VTI1A: variants seen among roughly 807,000 people sequenced by gnomAD.
VTI1A encodes the protein vesicle transport through interaction with t-SNAREs 1A.
In VTI1A, 22 loss-of-function variants were observed where a neutral mutation model predicts 34.9. That is an observed-to-expected ratio of 0.63 (90% CI 0.45 to 0.90). The LOEUF (loss-of-function observed/expected upper bound fraction) is 0.90, where lower values mean the gene tolerates loss of function less well. Among genes scored for constraint, VTI1A ranks in the 40% least tolerant of loss-of-function variants. VTI1A has a pLI of 0.00. For missense variants in VTI1A, 268 were observed against 275.6 expected (o/e 0.97, Z 0.20); for synonymous variants, 87 against 97.3 (o/e 0.89, Z 0.62).
intron 7 of VTI1A, among the ~76,000 whole-genome samples, chr10:112,693,558 A>G (rs1178644857): frequency 6.6e-6 from 1 of 152,196 alleles, no homozygotes; most frequent in East Asian, 1.9e-4. Context: ...AAAAATAAAT[A>G]AATAAGTAAA....
At chr10:112,484,255 A>G (rs962033009) in intron 3 of VTI1A, among the ~76,000 whole-genome samples, 1 of 152,238 alleles carries the variant, frequency 6.6e-6, no homozygotes, top group African/African-American at 2.4e-5. Context: ...GTCAACCTCC[A>G]TGCTTTCTAA....
At chr10:112,687,668 C>G (rs1278902865) in intron 7 of VTI1A, among the ~76,000 whole-genome samples, 2 of 152,100 alleles carry the variant, frequency 1.3e-5, no homozygotes, top group Non-Finnish European at 2.9e-5. Context: ...AAACCCATCT[C>G]TGGGCACTGG....
chr10:112,706,182 G>T (rs1251547181), intron 7 of VTI1A, among the ~76,000 whole-genome samples: 1 of 152,048 alleles, frequency 6.6e-6, no homozygotes, highest in Non-Finnish European at 1.5e-5. Context: ...TTCATATTAG[G>T]GTTTTTAATG....
chr10:112,811,468 G>C (rs1388017847), intron 7 of VTI1A, among the ~76,000 whole-genome samples: 1 of 152,048 alleles, frequency 6.6e-6, no homozygotes, highest in Non-Finnish European at 1.5e-5. Flanking sequence ...GCCGAGGCGG[G>C]CGGATCACGA....
At chr10:112,669,436 A>T (rs1847766915) in intron 7 of VTI1A, among the ~76,000 whole-genome samples, 1 of 152,100 alleles carries the variant, frequency 6.6e-6, no homozygotes, top group East Asian at 1.9e-4. Flanking sequence ...TTGGGGAAAC[A>T]TTTCCGTTTT....
intron 3 of VTI1A, among the ~76,000 whole-genome samples, chr10:112,490,575 A>C (rs1426466966): frequency 6.6e-6 from 1 of 151,654 alleles, no homozygotes; most frequent in Non-Finnish European, 1.5e-5. Context: ...ATGGGGCTGC[A>C]GATTCTTAGT....
intron 3 of VTI1A, among the ~76,000 whole-genome samples, chr10:112,502,943 T>G (rs569918743): frequency 1.3e-5 from 2 of 152,336 alleles, no homozygotes; most frequent in East Asian, 3.9e-4. Context: ...AGTGATTCTT[T>G]AGGAACAAAC....
In VTI1A at chr10:112,602,806, A is replaced by C. The variant is rs964995245; in HGVS notation, c.427+64476A>C. ...CATCAATATTTATTTTAATTTTGTA[A>C]ACACTTATTTGGGTGATTTTTTTTA... On this transcript the variant is annotated intron_variant, in intron 5 of 7. Transcript: ENST00000393077. Among the ~76,000 whole-genome samples, 3 of 152,322 alleles carry C rather than the reference A, an allele frequency of 2.0e-5. No individual in the cohort carries two copies. The South Asian group carries it at 6.2e-4, about 32-fold the overall frequency.
intron 5 of VTI1A, among the ~76,000 whole-genome samples, chr10:112,632,167 G>A (rs1564857635): frequency 6.6e-6 from 1 of 152,112 alleles, no homozygotes. Flanking sequence ...TAACTCAAGG[G>A]TAATAAACAT....
At chr10:112,529,202 A>C (rs1850344652) in intron 4 of VTI1A, among the ~76,000 whole-genome samples, 2 of 152,118 alleles carry the variant, frequency 1.3e-5, no homozygotes, top group African/African-American at 4.8e-5. Flanking sequence ...ACTTGTGTGA[A>C]GTTTTCCATC....
At chr10:112,677,050 T>A (rs979028032) in intron 7 of VTI1A, among the ~76,000 whole-genome samples, 2 of 152,180 alleles carry the variant, frequency 1.3e-5, no homozygotes, top group African/African-American at 4.8e-5. Context: ...GGAATCTTAC[T>A]GATTTGGATT....
chr10:112,548,302 T>A (rs978492395), intron 5 of VTI1A, among the ~76,000 whole-genome samples: 1 of 152,224 alleles, frequency 6.6e-6, no homozygotes, highest in Admixed American at 6.5e-5. Flanking sequence ...TCAAAGCCAG[T>A]CACTTTTTTT....
intron 5 of VTI1A, among the ~76,000 whole-genome samples, chr10:112,633,093 G>A (rs551955115): frequency 1.1e-4 from 16 of 152,248 alleles, no homozygotes; most frequent in Non-Finnish European, 1.5e-4. Flanking sequence ...AGGCTGAGGC[G>A]GGCAGATCAC....
chr10:112,623,551 G>A (rs1242387995), intron 5 of VTI1A, among the ~76,000 whole-genome samples: 1 of 150,786 alleles, frequency 6.6e-6, no homozygotes, highest in Non-Finnish European at 1.5e-5. Context: ...ATCCCGTCAC[G>A]ATCCGAAACA....
intron 5 of VTI1A, among the ~76,000 whole-genome samples, chr10:112,620,186 T>C (rs1845675283): frequency 6.6e-6 from 1 of 152,174 alleles, no homozygotes; most frequent in Non-Finnish European, 1.5e-5. Flanking sequence ...ATCTTATTGT[T>C]GGACCGTAAA....
intron 7 of VTI1A, among the ~76,000 whole-genome samples, chr10:112,799,013 T>G (rs1445875844): frequency 2.6e-5 from 4 of 152,214 alleles, no homozygotes; most frequent in Non-Finnish European, 5.9e-5. Flanking sequence ...TGAGAGTCCA[T>G]GAGGCGCGCA....
At chr10:112,501,855 T>C (rs1408324735) in intron 3 of VTI1A, among the ~76,000 whole-genome samples, 1 of 152,118 alleles carries the variant, frequency 6.6e-6, no homozygotes, top group Non-Finnish European at 1.5e-5. Flanking sequence ...ACAGTTTGTA[T>C]GTGGGAACTT....
intron 7 of VTI1A, among the ~76,000 whole-genome samples, chr10:112,688,521 C>CTTTTTTT (rs59853999): frequency 6.9e-5 from 8 of 116,412 alleles, no homozygotes; most frequent in South Asian, 2.8e-4. Context: ...CAATTTTTTT[C>CTTTTTTT]TTTTTTTTTT....
chr10:112,531,063 T>TCACACACACACA (rs10670312), intron 4 of VTI1A, among the ~76,000 whole-genome samples: 3,408 of 139,816 alleles, frequency 0.024, 61 homozygotes, highest in East Asian at 0.081. Flanking sequence ...GTGACACACC[T>TCACACACACACA]CACACACACA....
Sources: gnomAD v4.1 joint callset for allele counts (sites outside exome capture counted in the v4.1 genomes callset) on GRCh38, gnomAD v4.1.1 for gene constraint, MANE v1.5 for transcripts, NCBI Gene and HGNC (gene_info 2026-07-23, HGNC 2026-07-21) for gene names.